The following EIF2AK2 variants were observed in gnomAD, a reference collection of about 807,000 sequenced individuals.
The protein encoded by EIF2AK2 is eukaryotic translation initiation factor 2 alpha kinase 2.
Under a neutral mutation model 70.5 loss-of-function variants are expected in EIF2AK2, and 40 were observed. That is an observed-to-expected ratio of 0.57 (90% CI 0.44 to 0.74). The LOEUF (loss-of-function observed/expected upper bound fraction) is 0.74, where lower values mean the gene tolerates loss of function less well. EIF2AK2 is among the 30% of genes least tolerant of loss of function. EIF2AK2 has a pLI of 0.00. For missense variants in EIF2AK2, 555 were observed against 644.3 expected, an observed-to-expected ratio of 0.86 and a Z score of 1.50; for synonymous variants, 198 against 220.9, an observed-to-expected ratio of 0.90 and a Z score of 0.92.
At chr2:37,119,454 A>G (rs1368662437) in intron 13 of EIF2AK2, among the ~76,000 whole-genome samples, 1 of 152,182 alleles carries the variant, frequency 6.6e-6, no homozygotes, top group Non-Finnish European at 1.5e-5. Context: ...GAACAGGGGC[A>G]GAGCAGCCAG....
intron 4 of EIF2AK2, 119 bp from the exon 5 acceptor site, chr2:37,141,820 T>C: frequency 9.1e-7 from 1 of 1,095,294 alleles, no homozygotes; most frequent in Non-Finnish European, 1.3e-6. Flanking sequence ...GGATGTTATA[T>C]ATTTTCCTAT....
At chr2:37,113,540 T>G (rs55679447) in intron 14 of EIF2AK2, among the ~76,000 whole-genome samples, 8,345 of 145,074 alleles carry the variant, frequency 0.058, 271 homozygotes, top group African/African-American at 0.079. Context: ...ACCACAAATG[T>G]CATTATAAAC....
chr2:37,146,713 G>C (rs1675552103), intron 4 of EIF2AK2, 140 bp downstream of exon 4: 1 of 1,026,300 alleles, frequency 9.7e-7, no homozygotes. Flanking sequence ...AATGAAGATA[G>C]GGTGAATGAC....
intron 5 of EIF2AK2, 28 bp downstream of exon 5, chr2:37,141,524 AC>A: frequency 6.2e-7 from 1 of 1,602,092 alleles, no homozygotes; most frequent in Non-Finnish European, 8.5e-7. Context: ...ATACAATGAA[AC>A]AGAAAGAAAA....
chr2:37,131,937 C>A (rs1271066763), intron 10 of EIF2AK2, among the ~76,000 whole-genome samples: 1 of 152,188 alleles, frequency 6.6e-6, no homozygotes, highest in Non-Finnish European at 1.5e-5. Flanking sequence ...TTTATAACAT[C>A]AACCATTCCA....
chr2:37,106,104 TCC>T lies in EIF2AK2; in HGVS notation c.*1167_*1168del, dbSNP rs1673956531. 1 of 152,184 alleles carries T rather than the reference TCC, an allele frequency of 6.6e-6. No homozygotes were observed. Among genetic ancestry groups the T allele is most frequent in the African/African-American group, 2.4e-5 (1 of 41,440 alleles). 9.4% of individuals were successfully genotyped at this position (152,184 alleles called of 1,614,324 possible). A position where few individuals can be genotyped will look rare whatever the true frequency, so the allele number is the denominator to read the frequency against. On this transcript the variant is annotated 3_prime_UTR_variant, in exon 17 of 17. Coordinates refer to ENST00000233057, the MANE Select transcript of EIF2AK2 (RefSeq NM_001135651.3). ...CATTTCCCCAATCACATCATTCCCCTCCCTCAAAGATAACCACCATCCAGAAT... is the reference window on the plus strand; with the variant it reads ...CATTTCCCCAATCACATCATTCCCCTCTCAAAGATAACCACCATCCAGAAT...
At chr2:37,122,168 AACTCTCTTCAC>A (rs1250612335) in intron 12 of EIF2AK2, among the ~76,000 whole-genome samples, 1 of 152,024 alleles carries the variant, frequency 6.6e-6, no homozygotes, top group Non-Finnish European at 1.5e-5. Context: ...TATATGTTAA[AACTCTCTTCAC>A]AAGACTACAC....
chr2:37,144,741 C>T (rs143235772), intron 4 of EIF2AK2, among the ~76,000 whole-genome samples: 3 of 152,054 alleles, frequency 2.0e-5, no homozygotes, highest in South Asian at 4.2e-4. Flanking sequence ...CCACCAAGCC[C>T]GGCTAATGTT....
Position 37,107,270 on chromosome 2 carries a change from GC to G in EIF2AK2, c.*2del. 6.2e-7 allele frequency: 1 copy of G among 1,610,316 alleles called. No individual in the cohort carries two copies. The highest frequency in any genetic ancestry group is 8.5e-7 in the Non-Finnish European group (1 of 1,179,116). On this transcript the variant is annotated 3_prime_UTR_variant, in exon 17 of 17. Coordinates refer to ENST00000233057, the MANE Select transcript of EIF2AK2 (RefSeq NM_001135651.3). ...AGAAGCAGGATACTTTTTCAGAAGG[GC>G]TCTAACATGTGTGTCGTTCATTTTT...
At chr2:37,139,237 C>T (rs1675237828) in intron 6 of EIF2AK2, among the ~76,000 whole-genome samples, 1 of 150,320 alleles carries the variant, frequency 6.7e-6, no homozygotes, top group Non-Finnish European at 1.5e-5. Context: ...ATTGCTTGAA[C>T]ATGGGAGGCG....
At chr2:37,152,417 G>T (rs1675774742) in intron 1 of EIF2AK2, among the ~76,000 whole-genome samples, 1 of 152,074 alleles carries the variant, frequency 6.6e-6, no homozygotes, top group African/African-American at 2.4e-5. Flanking sequence ...AAGTAGCTGG[G>T]ACTATGGGAC....
intron 1 of EIF2AK2, among the ~76,000 whole-genome samples, chr2:37,153,265 C>T (rs962873737): frequency 7.3e-5 from 11 of 151,704 alleles, no homozygotes; most frequent in Non-Finnish European, 1.2e-4. Context: ...AACTCTTAAT[C>T]TTTCCAAACA....
chr2:37,119,254 G>A (rs1190417048), intron 13 of EIF2AK2, among the ~76,000 whole-genome samples: 1 of 152,164 alleles, frequency 6.6e-6, no homozygotes, highest in African/African-American at 2.4e-5. Context: ...TCCCAGTCCG[G>A]GATTACCGCA....
chr2:37,129,786 G>A (rs1573017897), intron 10 of EIF2AK2, among the ~76,000 whole-genome samples: 1 of 152,048 alleles, frequency 6.6e-6, no homozygotes, highest in Non-Finnish European at 1.5e-5. Context: ...CCTTTACTAG[G>A]AAGGGACATC....
chr2:37,141,488 GA>G, intron 5 of EIF2AK2, 64 bp downstream of exon 5: 1 of 1,566,178 alleles, frequency 6.4e-7, no homozygotes, highest in South Asian at 1.2e-5. Flanking sequence ...AATTAGACAC[GA>G]AAATAAACCA....
chr2:37,143,800 C>T (rs1675426874), intron 4 of EIF2AK2, among the ~76,000 whole-genome samples: 1 of 151,952 alleles, frequency 6.6e-6, no homozygotes, highest in Admixed American at 6.6e-5. Context: ...GGGAGGATCA[C>T]CTGAGCCTGG....
At position 37,138,497 on chromosome 2, in the gene EIF2AK2, G is replaced by C. The variant is rs2307484; in HGVS notation, c.593+12C>G. The C allele has an allele frequency of 6.2e-7, 1 of 1,613,098 alleles. No individual in the cohort carries two copies. The highest frequency in any genetic ancestry group is 8.5e-7 in the Non-Finnish European group (1 of 1,179,438). ...AATATGTTAAGTATCTCAATTGTTT[G>C]TCTACACTTACAGTGTGCTGGTCAC... On this transcript the variant is annotated intron_variant, in intron 7 of 16. Transcript: ENST00000233057.
intron 1 of EIF2AK2, among the ~76,000 whole-genome samples, chr2:37,154,398 G>A (rs901725193): frequency 2.0e-5 from 3 of 151,990 alleles, no homozygotes; most frequent in Non-Finnish European, 4.4e-5. Flanking sequence ...ACAAGCCACT[G>A]AAATTGTTTT....
rs572957312 is a variant in EIF2AK2 at position 37,143,868 on chromosome 2, G to T, written c.241-2167C>A. On this transcript the variant is annotated intron_variant, in intron 4 of 16. Transcript: ENST00000233057. The stretch of plus-strand genomic sequence containing the variant: ...CCACTGCACTCCAGCCTGGGTGACA[G>T]AGTACGACCCTGTCTCAAAAAACGA... 5.7e-4 allele frequency among the ~76,000 whole-genome samples: 86 copies of T among 152,204 alleles called. No homozygotes were observed. In the South Asian group the frequency reaches 0.016, roughly 29 times the overall value.
Sources: allele counts gnomAD v4.1 joint callset (sites outside exome capture counted in the v4.1 genomes callset), GRCh38; gene constraint gnomAD v4.1.1; transcripts MANE v1.5; gene names NCBI Gene and HGNC (gene_info 2026-07-23, HGNC 2026-07-21).